CSMD1: variants seen among roughly 807,000 people sequenced by gnomAD.
CSMD1 encodes CUB and Sushi multiple domains 1.
Under a neutral mutation model 417.5 loss-of-function variants are expected in CSMD1, and 213 were observed. The observed-to-expected ratio is 0.51, with a 90% confidence interval of 0.46 to 0.57. The LOEUF (loss-of-function observed/expected upper bound fraction) is 0.57. CSMD1 is among the 20% of genes least tolerant of loss of function. The pLI is 0.00. For missense variants in CSMD1, 6,923 were observed against 4,529.7 expected, an observed-to-expected ratio of 1.53 and a Z score of -15.17; for synonymous variants, 2,862 against 1,736.8, an observed-to-expected ratio of 1.65 and a Z score of -16.11.
At chr8:3,714,141 C>T (rs753361372) in intron 6 of CSMD1, among the ~76,000 whole-genome samples, 12 of 149,458 alleles carry the variant, frequency 8.0e-5, no homozygotes, top group East Asian at 1.9e-4. Context: ...TAAGTTTATA[C>T]GTATTTAGAA....
chr8:4,628,439 C>CAT (rs34507100), intron 2 of CSMD1, among the ~76,000 whole-genome samples: 36,112 of 146,006 alleles, frequency 0.25, 4,781 homozygotes, highest in African/African-American at 0.31. Flanking sequence ...CACATATACA[C>CAT]ATATATACAC....
chr8:4,568,879 G>A (rs1232982917), intron 2 of CSMD1, among the ~76,000 whole-genome samples: 2 of 152,140 alleles, frequency 1.3e-5, no homozygotes, highest in African/African-American at 4.8e-5. Context: ...TAGTGATGAT[G>A]ATCCTTTTTT....
intron 3 of CSMD1, among the ~76,000 whole-genome samples, chr8:4,212,149 A>G (rs1425327408): frequency 6.6e-6 from 1 of 150,586 alleles, no homozygotes; most frequent in East Asian, 1.9e-4. Flanking sequence ...TTATTATGAT[A>G]AAAAAGACTC....
At chr8:3,555,719 G>C (rs1452286519) in intron 10 of CSMD1, among the ~76,000 whole-genome samples, 1 of 152,132 alleles carries the variant, frequency 6.6e-6, no homozygotes, top group South Asian at 2.1e-4. Context: ...TATCATATTT[G>C]AGTTTTCTGT....
chr8:3,503,090 G>C (rs1023424890), intron 10 of CSMD1, among the ~76,000 whole-genome samples: 3 of 152,018 alleles, frequency 2.0e-5, no homozygotes, highest in Admixed American at 6.6e-5. Flanking sequence ...ACACATATAA[G>C]CTTTTATATC....
At chr8:4,411,055 C>T (rs1796625994) in intron 3 of CSMD1, among the ~76,000 whole-genome samples, 1 of 151,972 alleles carries the variant, frequency 6.6e-6, no homozygotes, top group South Asian at 2.1e-4. Flanking sequence ...CATGTGATAC[C>T]ACTCCACCCG....
intron 5 of CSMD1, among the ~76,000 whole-genome samples, chr8:3,795,002 CTATAAATACATATCTATCATA>C (rs1799963927): frequency 6.7e-6 from 1 of 149,934 alleles, no homozygotes; most frequent in Non-Finnish European, 1.5e-5. Flanking sequence ...TCATGTATAG[CTATAAATACATATCTATCATA>C]TATAGCTATA....
rs192721473 is a variant in CSMD1, at chr8:3,536,782, A to T, written c.1344+38163T>A. On this transcript the variant is annotated intron_variant, in intron 10 of 69. Transcript: ENST00000635120. ...TCCATTGTGTGGAAGGGACTAAGTC[A>T]TCTCTTCAGCACCGGGAATGCTGTT... Among the ~76,000 whole-genome samples the T allele has an allele frequency of 3.9e-5, 6 of 152,228 alleles. No individual in the cohort carries two copies. In the East Asian group the frequency reaches 1.2e-3, roughly 29 times the overall value.
chr8:3,085,282 A>T (rs918339498), intron 49 of CSMD1, among the ~76,000 whole-genome samples: 1 of 152,224 alleles, frequency 6.6e-6, no homozygotes, highest in African/African-American at 2.4e-5. Flanking sequence ...ATGCATGAAG[A>T]AAAAAACAAA....
chr8:4,124,568 G>C (rs187353321), intron 3 of CSMD1, among the ~76,000 whole-genome samples: 59 of 152,230 alleles, frequency 3.9e-4, no homozygotes, highest in Non-Finnish European at 4.9e-4. Context: ...ACCTGCGCCC[G>C]GTAGTGGGGA....
intron 5 of CSMD1, among the ~76,000 whole-genome samples, chr8:3,961,834 G>A (rs1004889653): frequency 2.0e-5 from 3 of 152,096 alleles, no homozygotes; most frequent in South Asian, 2.1e-4. Flanking sequence ...AATAAATAAG[G>A]CAGCATCATG....
chr8:4,807,054 T>G (rs1315833706), intron 1 of CSMD1, among the ~76,000 whole-genome samples: 1 of 152,208 alleles, frequency 6.6e-6, no homozygotes, highest in East Asian at 1.9e-4. Context: ...TATCTTGAAA[T>G]AGAAAAAGAA....
intron 6 of CSMD1, among the ~76,000 whole-genome samples, chr8:3,709,709 T>TTTTTTTTTC (rs1554518391): frequency 7.7e-6 from 1 of 129,510 alleles, no homozygotes; most frequent in African/African-American, 2.9e-5. Flanking sequence ...TTTTTTTTTT[T>TTTTTTTTTC]CCCTGCTTTC....
intron 5 of CSMD1, among the ~76,000 whole-genome samples, chr8:3,839,369 C>A (rs1339977208): frequency 3.0e-5 from 2 of 66,586 alleles, no homozygotes; most frequent in Non-Finnish European, 5.7e-5. Flanking sequence ...AATATATACT[C>A]TCTCTAGATA....
chr8:3,599,163 CTGTG>C (rs965499661), intron 8 of CSMD1, among the ~76,000 whole-genome samples: 8 of 126,718 alleles, frequency 6.3e-5, no homozygotes, highest in Admixed American at 9.5e-5. Context: ...GTGTGTGTGT[CTGTG>C]TGTGTGTGTG....
chr8:3,097,604 G>C (rs1036032141), intron 46 of CSMD1, among the ~76,000 whole-genome samples: 2 of 152,158 alleles, frequency 1.3e-5, no homozygotes, highest in Non-Finnish European at 2.9e-5. Context: ...TGTCCTGGGT[G>C]AGACATAGCC....
chr8:4,675,883 T>C (rs1197827113), intron 1 of CSMD1, among the ~76,000 whole-genome samples: 2 of 152,170 alleles, frequency 1.3e-5, no homozygotes, highest in Non-Finnish European at 2.9e-5. Context: ...AAACAAAAAG[T>C]ATCTAAACTA....
intron 26 of CSMD1, among the ~76,000 whole-genome samples, chr8:3,244,109 C>T (rs574995797): frequency 2.6e-5 from 4 of 152,288 alleles, no homozygotes; most frequent in South Asian, 2.1e-4. Flanking sequence ...TCACAACGTG[C>T]GCATTACATA....
At chr8:3,830,590 T>C (rs1019047202) in intron 5 of CSMD1, among the ~76,000 whole-genome samples, 2 of 152,156 alleles carry the variant, frequency 1.3e-5, no homozygotes, top group African/African-American at 2.4e-5. Flanking sequence ...AGAATGATTG[T>C]TTGCAAGCAA....
Sources: gnomAD v4.1 joint callset for allele counts (sites outside exome capture counted in the v4.1 genomes callset) on GRCh38, gnomAD v4.1.1 for gene constraint, MANE v1.5 for transcripts, NCBI Gene and HGNC (gene_info 2026-07-23, HGNC 2026-07-21) for gene names.